The following TPCN2 variants were observed in gnomAD, a reference collection of about 807,000 sequenced individuals.
TPCN2 encodes two pore channel protein 2.
In TPCN2, 92 loss-of-function variants were observed where a neutral mutation model predicts 111.4. That is an observed-to-expected ratio of 0.83 (90% CI 0.70 to 0.98). TPCN2 has a LOEUF of 0.98. Ranked by LOEUF, TPCN2 falls within the 50% of genes least tolerant of loss-of-function variation. The pLI, the probability that TPCN2 is intolerant of heterozygous loss-of-function variation, is 0.00. For missense variants in TPCN2, 995 were observed against 980.1 expected (o/e 1.02, Z -0.20); for synonymous variants, 405 against 414.5 (o/e 0.98, Z 0.28).
At chr11:69,054,408 C>T in intron 2 of TPCN2, 1 of 565,490 alleles carries the variant, frequency 1.8e-6, no homozygotes, top group Non-Finnish European at 3.2e-6. Flanking sequence ...GAGGGTCAGC[C>T]TTGCACAGAG....
chr11:69,086,549 G>T lies in TPCN2; in HGVS notation c.2030G>T (p.Trp677Leu), dbSNP rs768669044. The change falls in exon 23 of 25, where the codon TGG becomes TTG. Residue 677 changes from tryptophan to leucine, a missense_variant. Trp to Leu is a moderately conservative substitution (Grantham distance 61). Coordinates refer to ENST00000294309, the MANE Select transcript of TPCN2 (RefSeq NM_139075.4). ...GPWSKIYFVLWWLVSSVIWVN... is the reference protein window; with the variant it reads ...GPWSKIYFVLLWLVSSVIWVN... ...TGGTCCAAGATCTATTTTGTATTGT[G>T]GTGGCTGGTGTCGTCTGTCATCTGG... 31 of 1,613,964 alleles carry T rather than the reference G, an allele frequency of 1.9e-5. 1 individual carries two copies. Among genetic ancestry groups the T allele is most frequent in the South Asian group, 6.6e-5 (6 of 91,070 alleles).
At chr11:69,071,600 C>G (rs1446131697) in intron 10 of TPCN2, among the ~76,000 whole-genome samples, 180 bp downstream of exon 10, 1 of 152,218 alleles carries the variant, frequency 6.6e-6, no homozygotes, top group Non-Finnish European at 1.5e-5. Flanking sequence ...CTAGCCACTG[C>G]CAGAGATGGC....
Position 69,072,011 on chromosome 11 carries a change from C to T in TPCN2, c.1049C>T (p.Ala350Val). 2.5e-6 allele frequency: 4 copies of T among 1,613,312 alleles called. No homozygotes were observed. Among genetic ancestry groups the T allele is most frequent in the Non-Finnish European group, 8.5e-7 (1 of 1,179,610 alleles). ...TCCTCCATGGTGGGGGAGGGAGGAGCCTTCCCTCAGGCGTGAGTGCTGGGC... is the reference window on the plus strand; with the variant it reads ...TCCTCCATGGTGGGGGAGGGAGGAGTCTTCCCTCAGGCGTGAGTGCTGGGC... The part of the protein sequence containing the change: ...VLSSMVGEGG[A>V]FPQAVGVKPQ... Residue 350 changes from alanine to valine, a missense_variant, in exon 11 of 25, where the codon GCC (alanine) becomes GTC (valine). Coordinates refer to ENST00000294309, the MANE Select transcript of TPCN2 (RefSeq NM_139075.4).
intron 8 of TPCN2, 49 bp downstream of exon 8, chr11:69,067,654 T>C (rs773795430): frequency 2.5e-6 from 4 of 1,580,884 alleles, no homozygotes; most frequent in Non-Finnish European, 3.5e-6. Context: ...AGCCCAGCAC[T>C]GGGGGGCCGG....
rs1856389332 is a variant in TPCN2 at position 69,089,923 on chromosome 11, TTG to T, written c.*1972_*1973del. ...CCTTCTTCTGCCTTTTGTGTTTTTT[TTG>T]TTATGTACCTACAGTTCTTTAGCTG... On this transcript the variant is annotated 3_prime_UTR_variant, in exon 25 of 25. Coordinates refer to ENST00000294309, the MANE Select transcript of TPCN2 (RefSeq NM_139075.4). 6.6e-6 allele frequency: 1 copy of T among 152,274 alleles called. No individual in the cohort carries two copies. 9.4% of individuals were successfully genotyped at this position (152,274 alleles called of 1,614,324 possible). A position where few individuals can be genotyped will look rare whatever the true frequency, so the allele number is the denominator to read the frequency against.
intron 17 of TPCN2, among the ~76,000 whole-genome samples, chr11:69,080,810 G>A (rs1855974472): frequency 6.6e-6 from 1 of 152,220 alleles, no homozygotes; most frequent in Non-Finnish European, 1.5e-5. Context: ...GAGCATGCCC[G>A]CTGCACTTTG....
At position 69,073,200 on chromosome 11, in the gene TPCN2, C is replaced by T. The variant is rs1287863703; in HGVS notation, c.1230+199C>T. Among the ~76,000 whole-genome samples, 3 of 152,306 alleles carry T rather than the reference C, an allele frequency of 2.0e-5. No homozygotes were observed. In the East Asian group the frequency reaches 5.8e-4, roughly 29 times the overall value. The stretch of plus-strand genomic sequence containing the variant: ...AGATTTTTATGAAATTCACCAGACC[C>T]CAGGAACTAGCCTGAGCCCAGCCCG... On this transcript the variant is annotated intron_variant, in intron 13 of 24. Transcript: ENST00000294309.
chr11:69,084,425 T>C lies in TPCN2; in HGVS notation c.1761+409T>C, dbSNP rs78383028. Among the ~76,000 whole-genome samples the C allele has an allele frequency of 1.8e-3, 270 of 152,320 alleles. 1 individual carries two copies. Among genetic ancestry groups the C allele is most frequent in the African/African-American group, 6.3e-3 (263 of 41,566 alleles). On this transcript the variant is annotated intron_variant, in intron 19 of 24. Transcript: ENST00000294309. Reference sequence around the variant, plus strand: ...TGAGGACTTGGTCGAGGCTCCTTTCTTAGAGGAATTTCAGGGACTCACAGC... The same window carrying C: ...TGAGGACTTGGTCGAGGCTCCTTTCCTAGAGGAATTTCAGGGACTCACAGC...
At chr11:69,065,628 G>A (rs373454974) in intron 7 of TPCN2, among the ~76,000 whole-genome samples, 2 of 152,214 alleles carry the variant, frequency 1.3e-5, no homozygotes, top group African/African-American at 4.8e-5. Context: ...CGGTAGCCAG[G>A]CTGTGCTTCT....
At position 69,070,478 on chromosome 11, in the gene TPCN2, T is replaced by C; in HGVS notation, c.878T>C (p.Ile293Thr). ...AACCGGGCCTATGCCATCTTCTTCA[T>C]AGTCTTCACTGTGATAGGTGAGTGC... ...SKNRAYAIFF[I>T]VFTVIGSLFL... The change falls in exon 9 of 25, where the codon ATA becomes ACA. Residue 293 changes from isoleucine (I) to threonine (T), a missense_variant. Coordinates refer to ENST00000294309, the MANE Select transcript of TPCN2 (RefSeq NM_139075.4). 1 of 1,609,470 alleles carries C rather than the reference T, an allele frequency of 6.2e-7. No individual in the cohort carries two copies. Among genetic ancestry groups the C allele is most frequent in the Non-Finnish European group, 8.5e-7 (1 of 1,177,998 alleles).
chr11:69,086,633 T>A, intron 23 of TPCN2, 29 bp downstream of exon 23: 2 of 1,605,806 alleles, frequency 1.2e-6, no homozygotes, highest in South Asian at 2.2e-5. Flanking sequence ...CAGGCTGTTC[T>A]CCATGGTCGT....
In TPCN2 at chr11:69,054,723, C is replaced by T; in HGVS notation, c.177C>T (p.Tyr59=). 1 of 1,614,148 alleles carries T rather than the reference C, an allele frequency of 6.2e-7. No homozygotes were observed. The highest frequency in any genetic ancestry group is 1.1e-5 in the South Asian group (1 of 91,082). Residue 59 remains tyrosine (Y), a splice_region_variant and synonymous_variant, in exon 3 of 25, where the codon TAC becomes TAT. Transcript: ENST00000294309. ...AVVFIEDAIQ[Y]RSINHRVDAS... Reference sequence around the variant, plus strand: ...CTCATGTGACTTTTCGCTTGTAGTACCGCTCCATCAACCACCGGGTGGATG... The same window carrying T: ...CTCATGTGACTTTTCGCTTGTAGTATCGCTCCATCAACCACCGGGTGGATG...
At chr11:69,071,887 GGCT>G in intron 10 of TPCN2, 33 bp from the exon 11 acceptor site, 1 of 1,594,064 alleles carries the variant, frequency 6.3e-7, no homozygotes, top group Non-Finnish European at 8.6e-7. Context: ...GCTGGGGGAG[GGCT>G]GATCCTGCCG....
At chr11:69,058,307 A>T (rs887700939) in intron 5 of TPCN2, among the ~76,000 whole-genome samples, 2 of 152,146 alleles carry the variant, frequency 1.3e-5, no homozygotes, top group Non-Finnish European at 2.9e-5. Context: ...GCTCCGAGAA[A>T]CCAACAGTGA....
At chr11:69,075,038 G>A (rs1257860451) in intron 13 of TPCN2, among the ~76,000 whole-genome samples, 1 of 152,204 alleles carries the variant, frequency 6.6e-6, no homozygotes, top group East Asian at 1.9e-4. Context: ...CCAGTAGAGC[G>A]GGCTTGTGTG....
At chr11:69,071,513 G>A in intron 10 of TPCN2, 93 bp downstream of exon 10, 1 of 1,159,648 alleles carries the variant, frequency 8.6e-7, no homozygotes, top group Non-Finnish European at 1.3e-6. Flanking sequence ...ACCCTTGCTG[G>A]CCAGGCCCCT....
At chr11:69,080,980 G>A (rs993433861) in intron 17 of TPCN2, among the ~76,000 whole-genome samples, 34 of 152,238 alleles carry the variant, frequency 2.2e-4, no homozygotes, top group Admixed American at 9.8e-4. Flanking sequence ...GGCGATGGGG[G>A]CAGGAACCAG....
intron 1 of TPCN2, among the ~76,000 whole-genome samples, chr11:69,050,068 C>G (rs1195718991): frequency 6.6e-6 from 1 of 152,212 alleles, no homozygotes; most frequent in African/African-American, 2.4e-5. Context: ...CTGGTGCCCA[C>G]CCACTGGTCT....
chr11:69,065,072 A>G (rs1590720495), intron 7 of TPCN2, among the ~76,000 whole-genome samples: 1 of 148,006 alleles, frequency 6.8e-6, no homozygotes, highest in East Asian at 2.0e-4. Flanking sequence ...CTATGTGTGC[A>G]TGCATGGTGT....
Sources: gnomAD v4.1 joint callset for allele counts (sites outside exome capture counted in the v4.1 genomes callset) on GRCh38, gnomAD v4.1.1 for gene constraint, MANE v1.5 for transcripts, NCBI Gene and HGNC (gene_info 2026-07-23, HGNC 2026-07-21) for gene names.